The following DNAJC11 variants were observed in gnomAD, a reference collection of about 807,000 sequenced individuals.
DNAJC11 encodes the protein dnaJ homolog subfamily C member 11.
Under a neutral mutation model 78.6 loss-of-function variants are expected in DNAJC11, and 15 were observed. That is an observed-to-expected ratio of 0.19 (90% CI 0.13 to 0.29). The LOEUF (loss-of-function observed/expected upper bound fraction) is 0.29. Ranked by LOEUF, DNAJC11 falls within the 10% of genes least tolerant of loss-of-function variation. DNAJC11 has a pLI of 1.00. For missense variants in DNAJC11, 547 were observed against 709.6 expected (o/e 0.77, Z 2.60); for synonymous variants, 292 against 272.1 (o/e 1.07, Z -0.72).
intron 4 of DNAJC11, among the ~76,000 whole-genome samples, chr1:6,662,598 C>G (rs529185688): frequency 7.9e-5 from 12 of 152,026 alleles, no homozygotes; most frequent in Non-Finnish European, 1.6e-4. Context: ...TGTAAATGTA[C>G]CAATCAGCAC....
At chr1:6,701,647 G>C in intron 1 of DNAJC11, 82 bp downstream of exon 1, 1 of 1,394,424 alleles carries the variant, frequency 7.2e-7, no homozygotes, top group Non-Finnish European at 9.5e-7. Flanking sequence ...CGTGGCGGGG[G>C]TGGGGCGGCC....
chr1:6,643,501 T>A (rs917151424), intron 10 of DNAJC11, among the ~76,000 whole-genome samples: 1 of 151,986 alleles, frequency 6.6e-6, no homozygotes, highest in Non-Finnish European at 1.5e-5. Context: ...GGTCTCAATC[T>A]CCTGACCTCG....
Position 6,634,259 on chromosome 1 carries a change from G to A in DNAJC11, c.*1416C>T, listed in dbSNP as rs1472371591. 4.6e-6 allele frequency: 4 copies of A among 863,604 alleles called. No individual in the cohort carries two copies. The highest frequency in any genetic ancestry group is 1.8e-5 in the South Asian group (1 of 56,014). The allele number at this position is 863,604 out of a possible 1,614,324, so 53.5% of individuals were successfully genotyped here. A position where few individuals can be genotyped will look rare whatever the true frequency, so the allele number is the denominator to read the frequency against. ...AGGATGGGTGCCCAGAAGCACCTGC[G>A]GCAGAGGCGCACGGGAAGCCCGGGG... On this transcript the variant is annotated 3_prime_UTR_variant, in exon 16 of 16. Coordinates refer to ENST00000377577, the MANE Select transcript of DNAJC11 (RefSeq NM_018198.4).
At position 6,634,404 on chromosome 1, in the gene DNAJC11, C is replaced by T. The variant is rs988427134; in HGVS notation, c.*1271G>A. On this transcript the variant is annotated 3_prime_UTR_variant, in exon 16 of 16. Coordinates refer to ENST00000377577, the MANE Select transcript of DNAJC11 (RefSeq NM_018198.4). Reference sequence around the variant, plus strand: ...GACAACCCGAACTGCTTTTCAAAACCAGAGGAAGGAGGTTCTTAGCCGTTA... The same window carrying T: ...GACAACCCGAACTGCTTTTCAAAACTAGAGGAAGGAGGTTCTTAGCCGTTA... The T allele has an allele frequency of 1.6e-6, 2 of 1,227,524 alleles. No homozygotes were observed. Among genetic ancestry groups the T allele is most frequent in the African/African-American group, 3.1e-5 (2 of 64,394 alleles). 76.0% of individuals were successfully genotyped at this position (1,227,524 alleles called of 1,614,324 possible).
chr1:6,638,125 C>G, intron 12 of DNAJC11, 170 bp downstream of exon 12: 2 of 563,682 alleles, frequency 3.5e-6, no homozygotes, highest in South Asian at 3.2e-5. Context: ...GGGTAATTAT[C>G]TTCAGGGCAG....
chr1:6,660,317 C>T (rs192952954), intron 4 of DNAJC11, among the ~76,000 whole-genome samples: 251 of 151,798 alleles, frequency 1.7e-3, no homozygotes, highest in African/African-American at 5.6e-3. Flanking sequence ...TCACCAAGCC[C>T]GGCTAATTTT....
intron 3 of DNAJC11, among the ~76,000 whole-genome samples, chr1:6,671,553 A>T (rs1642380388): frequency 1.5e-5 from 2 of 134,106 alleles, no homozygotes; most frequent in South Asian, 4.6e-4. Context: ...TTTTTTTGAG[A>T]TGGAGTCTCA....
At position 6,635,638 on chromosome 1, in the gene DNAJC11, T is replaced by C. The variant is rs747251001; in HGVS notation, c.*37A>G. The C allele has an allele frequency of 3.1e-6, 5 of 1,611,936 alleles. No individual in the cohort carries two copies. The highest frequency in any genetic ancestry group is 4.2e-6 in the Non-Finnish European group (5 of 1,178,952). ...AAATTTGTAGACTCCCAGGAAAAGA[T>C]TTTTTGCGGCCTTTTAAAAATCTGG... On this transcript the variant is annotated 3_prime_UTR_variant, in exon 16 of 16. Coordinates refer to ENST00000377577, the MANE Select transcript of DNAJC11 (RefSeq NM_018198.4).
At chr1:6,676,690 C>T (rs192112921) in intron 3 of DNAJC11, among the ~76,000 whole-genome samples, 18 of 151,448 alleles carry the variant, frequency 1.2e-4, no homozygotes, top group Admixed American at 1.1e-3. Context: ...CTCTCACAAA[C>T]ACACACACAC....
At chr1:6,636,326 G>C in intron 14 of DNAJC11, 80 bp from the exon 15 acceptor site, 1 of 1,560,522 alleles carries the variant, frequency 6.4e-7, no homozygotes. Flanking sequence ...CGGAGGGGCA[G>C]TGTGCACAGG....
chr1:6,652,318 G>C (rs914587888), intron 6 of DNAJC11, among the ~76,000 whole-genome samples: 1 of 152,152 alleles, frequency 6.6e-6, no homozygotes, highest in African/African-American at 2.4e-5. Flanking sequence ...ACAAACACAC[G>C]GAGTTTCAGA....
rs1642095568 is a variant in DNAJC11 at position 6,654,193 on chromosome 1, A to G, written c.379-154T>C. 3 of 864,318 alleles carry G rather than the reference A, an allele frequency of 3.5e-6. No homozygotes were observed. The Admixed American group carries it at 8.7e-5, about 25-fold the overall frequency. 53.5% of individuals were successfully genotyped at this position (864,318 alleles called of 1,614,324 possible). ...TAGGACACTCCACCAGGAAGCCCAC[A>G]AAGCATGAATGTCACAGTCCGAACC... On this transcript the variant is annotated intron_variant, in intron 4 of 15. Transcript: ENST00000377577.
At chr1:6,668,564 T>G (rs1642327531) in intron 3 of DNAJC11, among the ~76,000 whole-genome samples, 1 of 152,194 alleles carries the variant, frequency 6.6e-6, no homozygotes, top group Non-Finnish European at 1.5e-5. Context: ...TTTGAGCTTC[T>G]TGGACCAAGG....
intron 1 of DNAJC11, among the ~76,000 whole-genome samples, chr1:6,686,863 T>C (rs1433923050): frequency 6.6e-6 from 1 of 152,262 alleles, no homozygotes; most frequent in Non-Finnish European, 1.5e-5. Flanking sequence ...TGCTTTAGCC[T>C]GTATTTTCAA....
intron 3 of DNAJC11, among the ~76,000 whole-genome samples, chr1:6,672,101 T>G (rs926078041): frequency 6.6e-6 from 1 of 152,084 alleles, no homozygotes; most frequent in Non-Finnish European, 1.5e-5. Context: ...TCCCAAAGTG[T>G]TGGGATTACA....
At chr1:6,693,066 C>T (rs1421876012) in intron 1 of DNAJC11, among the ~76,000 whole-genome samples, 1 of 151,740 alleles carries the variant, frequency 6.6e-6, no homozygotes, top group Non-Finnish European at 1.5e-5. Context: ...TCACCACACC[C>T]GGCTAATTTT....
intron 1 of DNAJC11, among the ~76,000 whole-genome samples, chr1:6,693,181 GGGACTGTAA>G (rs1642775549): frequency 1.3e-5 from 2 of 152,040 alleles, no homozygotes; most frequent in Non-Finnish European, 2.9e-5. Flanking sequence ...CCAAAGCGTT[GGGACTGTAA>G]GGCGTGAGCC....
chr1:6,638,473 A>G, intron 11 of DNAJC11, 109 bp from the exon 12 acceptor site: 1 of 962,340 alleles, frequency 1.0e-6, no homozygotes, highest in East Asian at 2.8e-5. Context: ...CTGTGATCTT[A>G]CTGGAGTTCA....
chr1:6,684,590 T>A (rs752497739), intron 1 of DNAJC11, among the ~76,000 whole-genome samples: 2 of 152,224 alleles, frequency 1.3e-5, no homozygotes, highest in Non-Finnish European at 2.9e-5. Flanking sequence ...TATTAAGTAA[T>A]GTAAATAAGA....
Sources: gnomAD v4.1 joint callset for allele counts (sites outside exome capture counted in the v4.1 genomes callset) on GRCh38, gnomAD v4.1.1 for gene constraint, MANE v1.5 for transcripts, NCBI Gene and HGNC (gene_info 2026-07-23, HGNC 2026-07-21) for gene names.